The following CALM3 variants were observed in gnomAD, a reference collection of about 807,000 sequenced individuals.
CALM3 encodes calmodulin 3, also known as calmodulin-3.
Under a neutral mutation model 20.1 loss-of-function variants are expected in CALM3, and 5 were observed. The observed-to-expected ratio is 0.25, with a 90% CI of 0.13 to 0.52. The LOEUF (loss-of-function observed/expected upper bound fraction) is 0.52. Among genes scored for constraint, CALM3 ranks in the 20% least tolerant of loss-of-function variants. The pLI is 0.96. For missense variants in CALM3, 57 were observed against 192.8 expected, an observed-to-expected ratio of 0.30 and a Z score of 4.17; for synonymous variants, 69 against 68.1, an observed-to-expected ratio of 1.01 and a Z score of -0.06.
chr19:46,604,119 T>C (rs1299256269), intron 1 of CALM3, among the ~76,000 whole-genome samples: 2 of 152,128 alleles, frequency 1.3e-5, no homozygotes, highest in Non-Finnish European at 2.9e-5. Flanking sequence ...CCCACACTGC[T>C]GCCCTCCTCT....
Position 46,601,601 on chromosome 19 carries a change from C to T in CALM3, c.3+164C>T, listed in dbSNP as rs1373098033. Among the ~76,000 whole-genome samples, 1 of 152,136 alleles carries T rather than the reference C, an allele frequency of 6.6e-6. No homozygotes were observed. The highest frequency in any genetic ancestry group is 2.4e-5 in the African/African-American group (1 of 41,428). On this transcript the variant is annotated intron_variant, in intron 1 of 5. Coordinates refer to ENST00000291295, the MANE Select transcript of CALM3 (RefSeq NM_005184.4). The surrounding 1 kb of genome is among the most constrained non-coding windows in gnomAD (Gnocchi z 4.2). ...TTGTCGGGGGCTGTTGAACCCAGAG[C>T]GGGACGTCTGGATCACCAGAGGTTT... is the stretch of plus-strand genomic sequence containing the variant.
Position 46,608,690 on chromosome 19 carries a change from C to T in CALM3, c.285+102C>T, listed in dbSNP as rs1366913667. The T allele has an allele frequency of 1.6e-6, 2 of 1,268,456 alleles. No homozygotes were observed. Among genetic ancestry groups the T allele is most frequent in the Non-Finnish European group, 2.2e-6 (2 of 897,186 alleles). The allele number at this position is 1,268,456 out of a possible 1,614,324, so 78.6% of individuals were successfully genotyped here. ...GCTACCACTTCCAGGAGGTCCGGGT[C>T]CCGGTGCCAGCCTCATTGCCAACCT... On this transcript the variant is annotated intron_variant, in intron 4 of 5. Transcript: ENST00000291295. This position sits in a 1 kb window ranked among gnomAD's most constrained non-coding sequence, Gnocchi z 5.5.
Position 46,609,190 on chromosome 19 carries a change from ATC to A in CALM3, c.*45_*46del, listed in dbSNP as rs1971816243. 2.5e-6 allele frequency: 4 copies of A among 1,608,760 alleles called. No homozygotes were observed. The highest frequency in any genetic ancestry group is 3.4e-6 in the Non-Finnish European group (4 of 1,176,460). On this transcript the variant is annotated 3_prime_UTR_variant, in exon 6 of 6. Coordinates refer to ENST00000291295, the MANE Select transcript of CALM3 (RefSeq NM_005184.4). ...GCAGCTGGCGATGCCCGTTCTCTTG[ATC>A]TCTCTCTTCTCGCGCGCGCACTCTC...
At chr19:46,601,080 A>G (rs906721361), upstream of CALM3, 4 of 1,142,942 alleles carry the variant, frequency 3.5e-6, no homozygotes, top group African/African-American at 3.2e-5. The surrounding 1 kb of genome is among the most constrained non-coding windows in gnomAD (Gnocchi z 4.2). Flanking sequence ...GCGCGCGGCG[A>G]GGGAAAGTAG....
intron 1 of CALM3, among the ~76,000 whole-genome samples, chr19:46,604,336 A>G (rs376905940): frequency 3.3e-5 from 5 of 152,034 alleles, no homozygotes; most frequent in South Asian, 2.1e-4. Context: ...TAGAAGCCCA[A>G]CCACCCTGTC....
rs1971827913 is a variant in CALM3, at chr19:46,609,586, A to C, written c.*433A>C. On this transcript the variant is annotated 3_prime_UTR_variant, in exon 6 of 6. Transcript: ENST00000291295. The stretch of plus-strand genomic sequence containing the variant: ...TGGGAGGGACAAGAGGCCCTCCCCC[A>C]GGCAGAAGAGCATGCCCTTTGCCGT... The C allele has an allele frequency of 5.3e-6, 1 of 189,844 alleles. No homozygotes were observed. The highest frequency in any genetic ancestry group is 1.1e-5 in the Non-Finnish European group (1 of 91,736). 11.8% of individuals were successfully genotyped at this position (189,844 alleles called of 1,614,324 possible).
Position 46,608,675 on chromosome 19 carries a change from C to G in CALM3, c.285+87C>G, listed in dbSNP as rs968260162. Reference sequence around the variant, plus strand: ...AACTGGAGCCACGGAGCTACCACTTCCAGGAGGTCCGGGTCCCGGTGCCAG... The same window carrying G: ...AACTGGAGCCACGGAGCTACCACTTGCAGGAGGTCCGGGTCCCGGTGCCAG... On this transcript the variant is annotated intron_variant, in intron 4 of 5. Transcript: ENST00000291295. The surrounding 1 kb of genome is among the most constrained non-coding windows in gnomAD (Gnocchi z 5.5). 2.3e-6 allele frequency: 3 copies of G among 1,317,974 alleles called. No individual in the cohort carries two copies. Among genetic ancestry groups the G allele is most frequent in the Admixed American group, 1.9e-5 (1 of 52,150 alleles). 81.6% of individuals were successfully genotyped at this position (1,317,974 alleles called of 1,614,324 possible).
chr19:46,606,084 C>T (rs1971736647), intron 2 of CALM3: 1 of 511,164 alleles, frequency 2.0e-6, no homozygotes, highest in Non-Finnish European at 3.5e-6. Context: ...ACACCAAAGG[C>T]TGTGTTCCTC....
At chr19:46,606,124 T>C (rs1008444147) in intron 2 of CALM3, 2 of 420,074 alleles carry the variant, frequency 4.8e-6, no homozygotes, top group Non-Finnish European at 8.7e-6. Context: ...AGGGGCTTGA[T>C]ATCAGTGGCT....
Position 46,601,526 on chromosome 19 carries a change from T to G in CALM3, c.3+89T>G. ...CCTGAGGGGGCGACAGAGCCCAGAG[T>G]GGGGGGCGTCCGGGCCCGGCGAGAG... On this transcript the variant is annotated intron_variant, in intron 1 of 5. Coordinates refer to ENST00000291295, the MANE Select transcript of CALM3 (RefSeq NM_005184.4). This position sits in a 1 kb window ranked among gnomAD's most constrained non-coding sequence, Gnocchi z 4.2. 2.5e-6 allele frequency: 3 copies of G among 1,224,450 alleles called. No individual in the cohort carries two copies. Among genetic ancestry groups the G allele is most frequent in the Non-Finnish European group, 2.1e-6 (2 of 949,278 alleles). The allele number at this position is 1,224,450 out of a possible 1,614,324, so 75.8% of individuals were successfully genotyped here. A position where few individuals can be genotyped will look rare whatever the true frequency, so the allele number is the denominator to read the frequency against.
At chr19:46,601,288 T>G, upstream of CALM3, 7 of 635,178 alleles carry the variant, frequency 1.1e-5, no homozygotes, top group African/African-American at 2.0e-5. This position sits in a 1 kb window ranked among gnomAD's most constrained non-coding sequence, Gnocchi z 4.2. Flanking sequence ...TGAGGGACCG[T>G]TGGGGCGGGA....
intron 1 of CALM3, chr19:46,602,091 G>A: frequency 1.5e-6 from 2 of 1,308,992 alleles, no homozygotes; most frequent in Admixed American, 2.3e-5. Context: ...GAGGAGGAGG[G>A]TGAGGTGCAA....
intron 2 of CALM3, among the ~76,000 whole-genome samples, chr19:46,607,537 C>T (rs2122241056): frequency 6.6e-6 from 1 of 152,344 alleles, no homozygotes; most frequent in South Asian, 2.1e-4. Context: ...GCTAGCTCCT[C>T]ATCCTCCTGG....
At chr19:46,609,097 C>T (rs370109570) in intron 5 of CALM3, 28 bp from the exon 6 acceptor site, 14 of 1,613,726 alleles carry the variant, frequency 8.7e-6, no homozygotes, top group Admixed American at 1.7e-5. Context: ...GCCCGCCTGA[C>T]CTCCTCTCTC....
Position 46,605,731 on chromosome 19 carries a change from GCTGGC to G in CALM3, c.4-93_4-89del. 1 of 1,222,612 alleles carries G rather than the reference GCTGGC, an allele frequency of 8.2e-7. No homozygotes were observed. The highest frequency in any genetic ancestry group is 1.2e-6 in the Non-Finnish European group (1 of 828,124). 75.7% of individuals were successfully genotyped at this position (1,222,612 alleles called of 1,614,324 possible). ...TGGCCCGGCGGGAATGGCACGTGGA[GCTGGC>G]CTCACTGGGGCCGAGGGTCTGGGCT... On this transcript the variant is annotated intron_variant, in intron 1 of 5. Transcript: ENST00000291295. This position sits in a 1 kb window ranked among gnomAD's most constrained non-coding sequence, Gnocchi z 4.1.
At position 46,601,756 on chromosome 19, in the gene CALM3, C is replaced by T. The variant is rs1971622556; in HGVS notation, c.3+319C>T. ...TGGGACCCCTCAAAAGGATTTTGGA[C>T]CCAGGATGGGGCGTTGGGTTTCAGG... On this transcript the variant is annotated intron_variant, in intron 1 of 5. Transcript: ENST00000291295. The surrounding 1 kb of genome is among the most constrained non-coding windows in gnomAD (Gnocchi z 4.2). Among the ~76,000 whole-genome samples, 1 of 152,158 alleles carries T rather than the reference C, an allele frequency of 6.6e-6. No individual in the cohort carries two copies. The highest frequency in any genetic ancestry group is 1.5e-5 in the Non-Finnish European group (1 of 68,030).
At position 46,601,570 on chromosome 19, in the gene CALM3, C is replaced by A; in HGVS notation, c.3+133C>A. On this transcript the variant is annotated intron_variant, in intron 1 of 5. Transcript: ENST00000291295. The surrounding 1 kb of genome is among the most constrained non-coding windows in gnomAD (Gnocchi z 4.2). The stretch of plus-strand genomic sequence containing the variant: ...GCGAGAGCCTCGGGACCCTTTTCTA[C>A]CCGCGTTGTCGGGGGCTGTTGAACC... The A allele has an allele frequency of 1.2e-6, 1 of 866,036 alleles. No individual in the cohort carries two copies. Among genetic ancestry groups the A allele is most frequent in the Non-Finnish European group, 1.6e-6 (1 of 627,070 alleles). 53.6% of individuals were successfully genotyped at this position (866,036 alleles called of 1,614,324 possible). A position where few individuals can be genotyped will look rare whatever the true frequency, so the allele number is the denominator to read the frequency against.
In CALM3 at chr19:46,609,288, A is replaced by G; in HGVS notation, c.*135A>G. 1.2e-6 allele frequency: 1 copy of G among 827,532 alleles called. No homozygotes were observed. Among genetic ancestry groups the G allele is most frequent in the Non-Finnish European group, 2.0e-6 (1 of 501,102 alleles). The allele number at this position is 827,532 out of a possible 1,614,324, so 51.3% of individuals were successfully genotyped here. ...GATTGACTGAGAATCTGATAAAGCA[A>G]CAAAAGATTTGTCCCAAGCTGCATG... On this transcript the variant is annotated 3_prime_UTR_variant, in exon 6 of 6. Transcript: ENST00000291295.
In CALM3 at chr19:46,605,432, C is replaced by G. The variant is rs1971721513; in HGVS notation, c.4-395C>G. 1 of 207,934 alleles carries G rather than the reference C, an allele frequency of 4.8e-6. No homozygotes were observed. The highest frequency in any genetic ancestry group is 2.4e-5 in the African/African-American group (1 of 42,520). 12.9% of individuals were successfully genotyped at this position (207,934 alleles called of 1,614,324 possible). On this transcript the variant is annotated intron_variant, in intron 1 of 5. Transcript: ENST00000291295. The surrounding 1 kb of genome is among the most constrained non-coding windows in gnomAD (Gnocchi z 4.1). ...GCCTCCAGGGCAATCGTTCCCTTCA[C>G]TCGGCCTCTGGGGCTCTCACTGATG...
Sources: allele counts gnomAD v4.1 joint callset (sites outside exome capture counted in the v4.1 genomes callset), GRCh38; gene constraint gnomAD v4.1.1; non-coding constraint Gnocchi (gnomAD v3.1); transcripts MANE v1.5; gene names NCBI Gene and HGNC (gene_info 2026-07-23, HGNC 2026-07-21).